The following CD36 variants were observed in gnomAD, a reference collection of about 807,000 sequenced individuals.
CD36 encodes the protein CD36 molecule (CD36 blood group), also known as platelet glycoprotein 4.
CD36 carries 119 observed loss-of-function variants against 55.2 expected under a neutral mutation model. The observed-to-expected ratio is 2.15, with a 90% CI of 1.86 to 2.51. The LOEUF (loss-of-function observed/expected upper bound fraction) is 2.51. CD36 is among the 30% of genes most tolerant of loss of function. The pLI is 0.00. For missense variants in CD36, 819 were observed against 555.5 expected, an observed-to-expected ratio of 1.47 and a Z score of -4.77; for synonymous variants, 186 against 193.6, an observed-to-expected ratio of 0.96 and a Z score of 0.33.
At chr7:80,623,101 T>C (rs1293065587) in intron 1 of CD36, among the ~76,000 whole-genome samples, 3 of 152,110 alleles carry the variant, frequency 2.0e-5, no homozygotes, top group Non-Finnish European at 2.9e-5. Flanking sequence ...AATTTCTCTA[T>C]TGAAGATCTC....
chr7:80,673,831 T>C, intron 13 of CD36, 152 bp from the exon 14 acceptor site: 1 of 683,090 alleles, frequency 1.5e-6, no homozygotes, highest in Non-Finnish European at 2.6e-6. Flanking sequence ...ATTGCCTTTC[T>C]TGACTTGCAA....
rs184862594 is a variant in CD36 at position 80,679,273 on chromosome 7, A to C, written c.*2890A>C. 6.6e-6 allele frequency: 1 copy of C among 152,266 alleles called. No individual in the cohort carries two copies. Among genetic ancestry groups the C allele is most frequent in the East Asian group, 1.9e-4 (1 of 5,182 alleles). The allele number at this position is 152,266 out of a possible 1,614,324, so 9.4% of individuals were successfully genotyped here. ...AAATAAAAACTTTTGTTATTAGAAA[A>C]ATGATTTTGCTTATTTTTATTTTTG... On this transcript the variant is annotated 3_prime_UTR_variant, in exon 15 of 15. Transcript: ENST00000447544.
intron 1 of CD36, among the ~76,000 whole-genome samples, chr7:80,639,342 C>G (rs1794656461): frequency 6.6e-6 from 1 of 151,806 alleles, no homozygotes; most frequent in Admixed American, 6.6e-5. Context: ...GTCATTGTTA[C>G]TGGGAATAGC....
intron 5 of CD36, 61 bp downstream of exon 5, chr7:80,661,271 C>A (rs1244319923): frequency 4.9e-6 from 7 of 1,429,432 alleles, no homozygotes; most frequent in African/African-American, 1.4e-5. Flanking sequence ...TGTAATTAAT[C>A]CTATCATTAG....
At chr7:80,622,903 T>C (rs960788071) in intron 1 of CD36, among the ~76,000 whole-genome samples, 2 of 152,200 alleles carry the variant, frequency 1.3e-5, no homozygotes, top group African/African-American at 4.8e-5. Context: ...TTGGGTTGTC[T>C]TGGTAAATAT....
At chr7:80,669,142 T>A (rs1410943651) in intron 8 of CD36, among the ~76,000 whole-genome samples, 1 of 152,186 alleles carries the variant, frequency 6.6e-6, no homozygotes, top group Non-Finnish European at 1.5e-5. Context: ...AAAGTGCCAC[T>A]CTACTGGTGG....
intron 5 of CD36, 83 bp from the exon 6 acceptor site, chr7:80,662,907 A>G (rs1327759404): frequency 8.8e-7 from 1 of 1,132,236 alleles, no homozygotes; most frequent in Admixed American, 1.9e-5. Context: ...TTTTGTATTA[A>G]GCTCAATATT....
At chr7:80,666,946 T>A (rs2116775026) in intron 8 of CD36, among the ~76,000 whole-genome samples, 1 of 152,308 alleles carries the variant, frequency 6.6e-6, no homozygotes, top group East Asian at 1.9e-4. Flanking sequence ...CCATCCATTT[T>A]TGGATAAGGT....
At chr7:80,623,806 A>G (rs1584300655) in intron 1 of CD36, 2 of 152,202 alleles carry the variant, frequency 1.3e-5, no homozygotes, top group Non-Finnish European at 2.9e-5. Flanking sequence ...AATCAAGGGA[A>G]TTACTATGAG....
At chr7:80,660,619 C>A (rs916079524) in intron 4 of CD36, among the ~76,000 whole-genome samples, 2 of 152,182 alleles carry the variant, frequency 1.3e-5, no homozygotes, top group Non-Finnish European at 2.9e-5. Context: ...TGTAATCCAA[C>A]CACACTCAAA....
At chr7:80,630,540 CTT>C in intron 1 of CD36, among the ~76,000 whole-genome samples, 1 of 152,092 alleles carries the variant, frequency 6.6e-6, no homozygotes, top group East Asian at 1.9e-4. Flanking sequence ...AAAAATCAAT[CTT>C]TTGGGATGTG....
At chr7:80,653,082 T>G (rs929134481) in intron 3 of CD36, among the ~76,000 whole-genome samples, 1 of 152,164 alleles carries the variant, frequency 6.6e-6, no homozygotes, top group Non-Finnish European at 1.5e-5. Flanking sequence ...ATGATGATTA[T>G]TATTAAGTGA....
At chr7:80,649,291 A>T (rs1795419436) in intron 3 of CD36, among the ~76,000 whole-genome samples, 1 of 152,126 alleles carries the variant, frequency 6.6e-6, no homozygotes, top group South Asian at 2.1e-4. Context: ...AAGAGCCTAG[A>T]TGAAAAACCT....
intron 4 of CD36, among the ~76,000 whole-genome samples, chr7:80,659,598 C>T (rs1796366534): frequency 6.6e-6 from 1 of 152,068 alleles, no homozygotes; most frequent in Non-Finnish European, 1.5e-5. Context: ...TAATTATGTT[C>T]CCTTTTTAAA....
chr7:80,672,629 TA>T (rs1797807018), intron 11 of CD36, 140 bp from the exon 12 acceptor site: 1 of 648,438 alleles, frequency 1.5e-6, no homozygotes, highest in African/African-American at 1.8e-5. Context: ...ACTATAACTA[TA>T]TATGCAGTTT....
intron 1 of CD36, chr7:80,639,714 T>G (rs1794685151): frequency 6.6e-6 from 1 of 152,044 alleles, no homozygotes; most frequent in Non-Finnish European, 1.5e-5. Context: ...TAAAAAATAT[T>G]GCTTTAAATA....
chr7:80,615,371 A>T (rs1793092714), intron 1 of CD36, among the ~76,000 whole-genome samples: 1 of 152,166 alleles, frequency 6.6e-6, no homozygotes, highest in Non-Finnish European at 1.5e-5. Context: ...AAGGTCTGGT[A>T]TCCACCTGTT....
rs746438953 is a variant in CD36, at chr7:80,671,972, G to A, written c.1057G>A (p.Val353Ile). The A allele has an allele frequency of 1.9e-6, 3 of 1,609,966 alleles. No homozygotes were observed. The highest frequency in any genetic ancestry group is 2.2e-5 in the South Asian group (2 of 90,970). ...TCATTTTCTGTATGCAAGTCCTGATGTTTCAGAACCTATTGATGGATTAAA... is the reference window on the plus strand; with the variant it reads ...TCATTTTCTGTATGCAAGTCCTGATATTTCAGAACCTATTGATGGATTAAA... ...LPHFLYASPD[V>I]SEPIDGLNPN... Residue 353 changes from valine (V) to isoleucine (I), a missense_variant, in exon 11 of 15, where the codon GTT becomes ATT. Physicochemically the swap from Val to Ile is conservative, Grantham distance 29. Coordinates refer to ENST00000447544, the MANE Select transcript of CD36 (RefSeq NM_001001548.3).
At chr7:80,671,187 A>G in intron 10 of CD36, 23 bp downstream of exon 10, 1 of 1,468,884 alleles carries the variant, frequency 6.8e-7, no homozygotes, top group Non-Finnish European at 9.5e-7. Context: ...CCTCAGTAGC[A>G]CAGTCCATAC....
Sources: gnomAD v4.1 joint callset for allele counts (sites outside exome capture counted in the v4.1 genomes callset) on GRCh38, gnomAD v4.1.1 for gene constraint, MANE v1.5 for transcripts, NCBI Gene and HGNC (gene_info 2026-07-23, HGNC 2026-07-21) for gene names.